FAF1: variants seen among roughly 807,000 people sequenced by gnomAD.
FAF1 encodes the protein Fas associated factor 1, also known as FAS-associated factor 1.
FAF1 carries 25 observed loss-of-function variants against 92.5 expected under a neutral mutation model. The ratio of observed to expected loss-of-function variants is 0.27; its 90% confidence interval spans 0.20 to 0.38. The LOEUF (loss-of-function observed/expected upper bound fraction) is 0.38, where lower values mean the gene tolerates loss of function less well. FAF1 is among the 10% of genes least tolerant of loss of function. The pLI is 1.00. For synonymous variants in FAF1, 234 were observed against 273.2 expected (o/e 0.86, Z 1.42); for missense variants, 636 against 793.3 (o/e 0.80, Z 2.38).
chr1:50,861,362 G>A (rs967816548), intron 1 of FAF1, among the ~76,000 whole-genome samples: 1 of 151,842 alleles, frequency 6.6e-6, no homozygotes, highest in Admixed American at 6.6e-5. Flanking sequence ...AGGACTAGAT[G>A]AGGTTATGAA....
intron 13 of FAF1, among the ~76,000 whole-genome samples, chr1:50,554,390 T>TATATATATAGAGAG: frequency 1.2e-4 from 11 of 93,682 alleles, no homozygotes; most frequent in African/African-American, 4.3e-4. Context: ...TATATATATA[T>TATATATATAGAGAG]AGAGAGAGAG....
chr1:50,466,912 A>G (rs1048791776), intron 18 of FAF1, among the ~76,000 whole-genome samples: 1 of 152,188 alleles, frequency 6.6e-6, no homozygotes, highest in Non-Finnish European at 1.5e-5. Context: ...CTGGTGGAGA[A>G]TGTTCTCCTC....
At position 50,475,335 on chromosome 1, in the gene FAF1, C is replaced by CA; in HGVS notation, c.1869+128dup. On this transcript the variant is annotated intron_variant, in intron 18 of 18. Coordinates refer to ENST00000396153, the MANE Select transcript of FAF1 (RefSeq NM_007051.3). ...GCTAAGGAGAGAATGGTGTGCAGAA[C>CA]AAAGAAGGACTCCTGTTTGTCTTGT... 3 of 700,096 alleles carry CA rather than the reference C, an allele frequency of 4.3e-6. No homozygotes were observed. In the South Asian group the frequency reaches 5.6e-5, roughly 13 times the overall value. 43.4% of individuals were successfully genotyped at this position (700,096 alleles called of 1,614,324 possible).
intron 1 of FAF1, among the ~76,000 whole-genome samples, chr1:50,941,337 G>A (rs1416295640): frequency 1.3e-5 from 2 of 152,086 alleles, no homozygotes; most frequent in Admixed American, 1.3e-4. Context: ...AGCCTCCCGA[G>A]TAGCTGAGAC....
rs74080041 is a variant in FAF1 at position 50,665,215 on chromosome 1, C to G, written c.658-9687G>C. On this transcript the variant is annotated intron_variant, in intron 7 of 18. Coordinates refer to ENST00000396153, the MANE Select transcript of FAF1 (RefSeq NM_007051.3). ...TAACCTAACACCATTTTGTGAAATT[C>G]AATTTTATATAACACTTTAAAGATT... is the stretch of plus-strand genomic sequence containing the variant. Among the ~76,000 whole-genome samples the G allele has an allele frequency of 7.7e-3, 1,176 of 152,206 alleles. 13 individuals carry two copies. The highest frequency in any genetic ancestry group is 0.027 in the African/African-American group (1,136 of 41,524).
intron 10 of FAF1, 32 bp downstream of exon 10, chr1:50,584,653 A>G (rs1285609721): frequency 1.2e-6 from 2 of 1,601,834 alleles, no homozygotes; most frequent in Non-Finnish European, 1.7e-6. Context: ...AAAGAATTCT[A>G]TTGCTGGACC....
chr1:50,679,564 C>T (rs1405361458), intron 7 of FAF1, among the ~76,000 whole-genome samples: 3 of 152,100 alleles, frequency 2.0e-5, no homozygotes, highest in Admixed American at 6.6e-5. Context: ...TATCCTCCTA[C>T]CTGGTCCTCT....
chr1:50,811,152 T>C (rs1345021131), intron 2 of FAF1, among the ~76,000 whole-genome samples: 2 of 152,004 alleles, frequency 1.3e-5, no homozygotes, highest in Non-Finnish European at 2.9e-5. Flanking sequence ...GTGAGCAACA[T>C]GGCATAACCC....
chr1:50,941,552 T>A (rs113562818), intron 1 of FAF1, among the ~76,000 whole-genome samples: 1,944 of 152,146 alleles, frequency 0.013, 38 homozygotes, highest in African/African-American at 0.043. Context: ...AGAGACAAGA[T>A]CTCACTATAC....
chr1:50,456,136 G>T (rs1646350140), intron 18 of FAF1, among the ~76,000 whole-genome samples: 1 of 151,924 alleles, frequency 6.6e-6, no homozygotes, highest in Non-Finnish European at 1.5e-5. Flanking sequence ...AGGCTAGAGT[G>T]CAGTGGCCTA....
At chr1:50,898,780 A>T (rs1422265307) in intron 1 of FAF1, among the ~76,000 whole-genome samples, 1 of 152,150 alleles carries the variant, frequency 6.6e-6, no homozygotes, top group Admixed American at 6.6e-5. Flanking sequence ...GACTGTTCTT[A>T]AATTTTTCGA....
At chr1:50,778,327 G>GGGT (rs994537023) in intron 4 of FAF1, among the ~76,000 whole-genome samples, 4 of 152,116 alleles carry the variant, frequency 2.6e-5, no homozygotes, top group Non-Finnish European at 5.9e-5. Flanking sequence ...ATCTGGATCT[G>GGGT]GGTGGTGGTG....
intron 1 of FAF1, among the ~76,000 whole-genome samples, chr1:50,957,960 T>C (rs1334571822): frequency 1.3e-5 from 2 of 151,950 alleles, no homozygotes; most frequent in Non-Finnish European, 2.9e-5. Flanking sequence ...AGATAAAAAA[T>C]GGAACTGGAG....
intron 7 of FAF1, among the ~76,000 whole-genome samples, chr1:50,697,453 G>A (rs1374963048): frequency 6.6e-6 from 1 of 152,116 alleles, no homozygotes; most frequent in East Asian, 1.9e-4. Context: ...ATACTGAGGT[G>A]ACCCTGTACA....
intron 15 of FAF1, among the ~76,000 whole-genome samples, chr1:50,509,171 A>C (rs1443526088): frequency 6.6e-6 from 1 of 152,386 alleles, no homozygotes; most frequent in Middle Eastern, 3.4e-3. Context: ...TTATTCAACC[A>C]TAAAAAGAAT....
Position 50,439,922 on chromosome 1 carries a change from T to C in FAF1, c.*1518A>G, listed in dbSNP as rs1572742278. 1 of 152,332 alleles carries C rather than the reference T, an allele frequency of 6.6e-6. No homozygotes were observed. The highest frequency in any genetic ancestry group is 1.5e-5 in the Non-Finnish European group (1 of 68,034). 9.4% of individuals were successfully genotyped at this position (152,332 alleles called of 1,614,324 possible). On this transcript the variant is annotated 3_prime_UTR_variant, in exon 19 of 19. Coordinates refer to ENST00000396153, the MANE Select transcript of FAF1 (RefSeq NM_007051.3). ...AGGCAGATGTAGCACTAGTCTGTGCTAGATAGTAATCTGGAGAGGTCCCTG... is the reference window on the plus strand; with the variant it reads ...AGGCAGATGTAGCACTAGTCTGTGCCAGATAGTAATCTGGAGAGGTCCCTG...
intron 12 of FAF1, among the ~76,000 whole-genome samples, chr1:50,573,270 T>A (rs1274841827): frequency 6.6e-6 from 1 of 151,586 alleles, no homozygotes; most frequent in Non-Finnish European, 1.5e-5. Flanking sequence ...GGCTAATTTT[T>A]GTGTTTTTAG....
chr1:50,886,624 T>A lies in FAF1; in HGVS notation c.46-28627A>T, dbSNP rs373584579. On this transcript the variant is annotated intron_variant, in intron 1 of 18. Coordinates refer to ENST00000396153, the MANE Select transcript of FAF1 (RefSeq NM_007051.3). ...ATTCCCACCTATGAGTGAGAACATGTGGTGTTTGGTTTTTTCTCCTTGCAA... is the reference window on the plus strand; with the variant it reads ...ATTCCCACCTATGAGTGAGAACATGAGGTGTTTGGTTTTTTCTCCTTGCAA... Among the ~76,000 whole-genome samples, 16 of 151,604 alleles carry A rather than the reference T, an allele frequency of 1.1e-4. No homozygotes were observed. The East Asian group carries it at 3.1e-3, about 30-fold the overall frequency.
chr1:50,746,265 TATATATATATATATATATATATATATA>T (rs1557506401), intron 4 of FAF1, among the ~76,000 whole-genome samples: 26 of 20,180 alleles, frequency 1.3e-3, no homozygotes, highest in African/African-American at 3.2e-3. Context: ...TATATATATA[TATATATATATATATATATATATATATA>T]TTTTTTTTTT....
Sources: allele counts gnomAD v4.1 joint callset (sites outside exome capture counted in the v4.1 genomes callset), GRCh38; gene constraint gnomAD v4.1.1; transcripts MANE v1.5; gene names NCBI Gene and HGNC (gene_info 2026-07-23, HGNC 2026-07-21).